SLC2A13: variants seen among roughly 807,000 people sequenced by gnomAD.
SLC2A13 encodes the protein solute carrier family 2 member 13.
Under a neutral mutation model 64.4 loss-of-function variants are expected in SLC2A13, and 32 were observed. That is an observed-to-expected ratio of 0.50 (90% CI 0.37 to 0.67). SLC2A13 has a LOEUF of 0.67. Among genes scored for constraint, SLC2A13 ranks in the 30% least tolerant of loss-of-function variants. The pLI, the probability that SLC2A13 is intolerant of heterozygous loss-of-function variation, is 0.00. For missense variants in SLC2A13, 743 were observed against 829.2 expected, an observed-to-expected ratio of 0.90 and a Z score of 1.28; for synonymous variants, 338 against 327.1, an observed-to-expected ratio of 1.03 and a Z score of -0.36.
rs111658042 is a variant in SLC2A13, at chr12:39,993,753, T to C, written c.925+34548A>G. Among the ~76,000 whole-genome samples the C allele has an allele frequency of 8.5e-5, 13 of 152,342 alleles. 2 individuals are homozygous for C. Among genetic ancestry groups the C allele is most frequent in the African/African-American group, 2.9e-4 (12 of 41,590 alleles). On this transcript the variant is annotated intron_variant, in intron 3 of 9. Transcript: ENST00000280871. ...TTGATATAAAAGTGTTATGTTCTTA[T>C]GTAATGATTAGGAAAATCTTTGCAT...
chr12:39,784,307 C>T (rs1418282308), intron 7 of SLC2A13, among the ~76,000 whole-genome samples: 1 of 152,160 alleles, frequency 6.6e-6, no homozygotes, highest in Non-Finnish European at 1.5e-5. Flanking sequence ...AGGCATCACG[C>T]TACCTGACTT....
intron 2 of SLC2A13, among the ~76,000 whole-genome samples, chr12:40,045,026 T>C (rs1347714880): frequency 6.6e-6 from 1 of 152,098 alleles, no homozygotes; most frequent in African/African-American, 2.4e-5. Context: ...ATCTGCAAAA[T>C]GAGAATAATA....
rs12312944 is a variant in SLC2A13, at chr12:39,766,423, C to T, written c.1446-1565G>A. Among the ~76,000 whole-genome samples, 1,387 of 152,102 alleles carry T rather than the reference C, an allele frequency of 9.1e-3. 24 individuals carry two copies. Among genetic ancestry groups the T allele is most frequent in the African/African-American group, 0.032 (1,314 of 41,500 alleles). The stretch of plus-strand genomic sequence containing the variant: ...AAAATATTTTGATAAAAAATGCTAA[C>T]GATCATCTGCACCTTTCACAAGTCA... On this transcript the variant is annotated intron_variant, in intron 7 of 9. Transcript: ENST00000280871.
At chr12:39,950,955 A>G (rs1456499657) in intron 4 of SLC2A13, 1 of 367,086 alleles carries the variant, frequency 2.7e-6, no homozygotes, top group Non-Finnish European at 4.8e-6. Flanking sequence ...GCATCAAGAA[A>G]TGGCTTAGAA....
chr12:40,104,734 C>T (rs931182024), intron 1 of SLC2A13, among the ~76,000 whole-genome samples: 2 of 152,134 alleles, frequency 1.3e-5, no homozygotes, highest in East Asian at 1.9e-4. Flanking sequence ...GGGCAGGGGT[C>T]GCTAATAAAC....
chr12:39,771,196 C>T (rs1391206017), intron 7 of SLC2A13, among the ~76,000 whole-genome samples: 5 of 152,048 alleles, frequency 3.3e-5, no homozygotes, highest in Non-Finnish European at 7.4e-5. Flanking sequence ...CTAGAGTAAC[C>T]CTGATGGTTC....
intron 4 of SLC2A13, among the ~76,000 whole-genome samples, chr12:39,874,028 T>C (rs1297644329): frequency 1.3e-5 from 2 of 152,228 alleles, no homozygotes; most frequent in African/African-American, 4.8e-5. Context: ...AAGAAGCTCA[T>C]AGTTTAATTT....
At chr12:39,900,505 T>C (rs1565531777) in intron 4 of SLC2A13, among the ~76,000 whole-genome samples, 3 of 151,968 alleles carry the variant, frequency 2.0e-5, no homozygotes, top group Non-Finnish European at 4.4e-5. Flanking sequence ...GGATACAAAA[T>C]CAATGTGCAA....
intron 7 of SLC2A13, among the ~76,000 whole-genome samples, chr12:39,823,040 A>G (rs1228223724): frequency 1.3e-5 from 2 of 152,192 alleles, no homozygotes; most frequent in Non-Finnish European, 2.9e-5. Context: ...TGAACCTGAA[A>G]AAGTAACAGC....
intron 1 of SLC2A13, among the ~76,000 whole-genome samples, chr12:40,060,866 T>C (rs557093946): frequency 1.3e-5 from 2 of 152,168 alleles, no homozygotes; most frequent in African/African-American, 2.4e-5. Context: ...AATTTTAAAG[T>C]CATTAACAGT....
rs138504155 is a variant in SLC2A13, at chr12:40,103,123, A to C, written c.556+2130T>G. 3.2e-4 allele frequency among the ~76,000 whole-genome samples: 49 copies of C among 152,338 alleles called. No individual in the cohort carries two copies. The East Asian group carries it at 6.2e-3, about 19-fold the overall frequency. On this transcript the variant is annotated intron_variant, in intron 1 of 9. Transcript: ENST00000280871. Reference sequence around the variant, plus strand: ...TTGAACCAACCAGCCCAGAGACCACAGAATGAGGCTGCAAGACAGAGAGGC... The same window carrying C: ...TTGAACCAACCAGCCCAGAGACCACCGAATGAGGCTGCAAGACAGAGAGGC...
At chr12:39,985,300 A>AT (rs1413100652) in intron 3 of SLC2A13, among the ~76,000 whole-genome samples, 1 of 152,060 alleles carries the variant, frequency 6.6e-6, no homozygotes, top group Non-Finnish European at 1.5e-5. Context: ...TGTTATGCCT[A>AT]TATCTGCCTG....
intron 1 of SLC2A13, among the ~76,000 whole-genome samples, chr12:40,088,551 G>C (rs1592074252): frequency 6.6e-6 from 1 of 152,294 alleles, no homozygotes; most frequent in East Asian, 1.9e-4. Context: ...GGATTTGGGG[G>C]AGTTAGTCTA....
chr12:40,076,367 G>A (rs1356883468), intron 1 of SLC2A13, among the ~76,000 whole-genome samples: 4 of 152,064 alleles, frequency 2.6e-5, no homozygotes, highest in Non-Finnish European at 4.4e-5. Flanking sequence ...GCATCCATGA[G>A]TACTCAGTGT....
At chr12:39,878,622 A>C (rs1192331496) in intron 4 of SLC2A13, among the ~76,000 whole-genome samples, 1 of 152,202 alleles carries the variant, frequency 6.6e-6, no homozygotes, top group Non-Finnish European at 1.5e-5. Flanking sequence ...GTCTGCTTCT[A>C]ACAGCTTATC....
rs796302794 is a variant in SLC2A13, at chr12:39,759,761, A to G, written c.*265T>C. Reference sequence around the variant, plus strand: ...AGTCACTGGGTACAATATTCATTTTAGACTATTTCAGGAAGGCATTACACA... The same window carrying G: ...AGTCACTGGGTACAATATTCATTTTGGACTATTTCAGGAAGGCATTACACA... On this transcript the variant is annotated 3_prime_UTR_variant, in exon 10 of 10. Coordinates refer to ENST00000280871, the MANE Select transcript of SLC2A13 (RefSeq NM_052885.4). The G allele has an allele frequency of 5.4e-5, 21 of 390,784 alleles. 1 individual carries two copies. In the South Asian group the frequency reaches 6.5e-4, roughly 12 times the overall value. The allele number at this position is 390,784 out of a possible 1,614,324, so 24.2% of individuals were successfully genotyped here.
intron 3 of SLC2A13, among the ~76,000 whole-genome samples, chr12:39,959,321 G>A (rs777716974): frequency 6.6e-5 from 10 of 152,206 alleles, no homozygotes; most frequent in Non-Finnish European, 1.5e-4. Context: ...TTCTTTCACA[G>A]TCTGGCATTT....
intron 2 of SLC2A13, among the ~76,000 whole-genome samples, chr12:40,036,357 C>A (rs1345049035): frequency 6.6e-6 from 1 of 152,106 alleles, no homozygotes; most frequent in Non-Finnish European, 1.5e-5. Context: ...ATGCAGAGAT[C>A]CAAGGTGTAA....
intron 7 of SLC2A13, among the ~76,000 whole-genome samples, chr12:39,826,961 G>A (rs552160230): frequency 7.1e-6 from 1 of 139,966 alleles, no homozygotes; most frequent in South Asian, 2.4e-4. Context: ...TTTCTATTAG[G>A]TTGGTGCAAA....
Sources: gnomAD v4.1 joint callset for allele counts (sites outside exome capture counted in the v4.1 genomes callset) on GRCh38, gnomAD v4.1.1 for gene constraint, MANE v1.5 for transcripts, NCBI Gene and HGNC (gene_info 2026-07-23, HGNC 2026-07-21) for gene names.